Variants in UGGT2 observed in about 807,000 individuals in gnomAD.
UGGT2 encodes the protein UDP-glucose:glycoprotein glucosyltransferase 2.
Under a neutral mutation model 192.1 loss-of-function variants are expected in UGGT2, and 180 were observed. The observed-to-expected ratio is 0.94, with a 90% CI of 0.83 to 1.06. The LOEUF (loss-of-function observed/expected upper bound fraction) is 1.06. Among genes scored for constraint, UGGT2 ranks in the 50% least tolerant of loss-of-function variants. The probability of loss-of-function intolerance (pLI) is 0.00; values close to 1 mark genes in which losing one functional copy is unlikely to be tolerated. For synonymous variants in UGGT2, 580 were observed against 591.0 expected (o/e 0.98, Z 0.27); for missense variants, 1,849 against 1,795.7 (o/e 1.03, Z -0.54).
rs771289591 is a variant in UGGT2, at chr13:96,013,300, C to T, written c.660+7G>A. ...CAAAAGCAACCTTGGAAAAAACAAG[C>T]GCATACCTGAATATAATGGCGAAGA... On this transcript the variant is annotated splice_region_variant and intron_variant, in intron 5 of 38. Coordinates refer to ENST00000376747, the MANE Select transcript of UGGT2 (RefSeq NM_020121.4). 24 of 1,564,742 alleles carry T rather than the reference C, an allele frequency of 1.5e-5. No homozygotes were observed. The highest frequency in any genetic ancestry group is 1.4e-4 in the East Asian group (6 of 41,446).
chr13:95,820,695 A>G (rs1344994521), intron 38 of UGGT2, among the ~76,000 whole-genome samples: 1 of 151,310 alleles, frequency 6.6e-6, no homozygotes. Context: ...ATTTTAGTGT[A>G]CCCGTCACCT....
intron 20 of UGGT2, among the ~76,000 whole-genome samples, chr13:95,914,777 TG>T (rs142225719): frequency 0.017 from 2,509 of 151,756 alleles, 70 homozygotes; most frequent in African/African-American, 0.058. Flanking sequence ...CACTCCAGCC[TG>T]GGCGACTGAG....
chr13:95,898,985 A>G (rs1169310612), intron 22 of UGGT2, among the ~76,000 whole-genome samples: 2 of 152,248 alleles, frequency 1.3e-5, no homozygotes, highest in Non-Finnish European at 2.9e-5. Flanking sequence ...CTTAGTGGCC[A>G]GTGCGATAGC....
intron 17 of UGGT2, among the ~76,000 whole-genome samples, chr13:95,934,200 A>G (rs913295842): frequency 6.6e-6 from 1 of 152,172 alleles, no homozygotes; most frequent in African/African-American, 2.4e-5. Context: ...TCTGATTTCT[A>G]TTTTTATTCT....
intron 38 of UGGT2, among the ~76,000 whole-genome samples, chr13:95,807,446 T>C (rs1185708591): frequency 1.3e-5 from 2 of 152,194 alleles, no homozygotes; most frequent in African/African-American, 4.8e-5. Flanking sequence ...ATCCTTCTTC[T>C]GCTGTTTGCT....
chr13:95,902,363 T>C (rs566021120), intron 21 of UGGT2, among the ~76,000 whole-genome samples: 31 of 152,284 alleles, frequency 2.0e-4, no homozygotes, highest in South Asian at 8.3e-4. Flanking sequence ...CACTTATAAA[T>C]ATTTTGTCTG....
chr13:96,037,627 G>A (rs1481736513), intron 1 of UGGT2, among the ~76,000 whole-genome samples: 4 of 152,176 alleles, frequency 2.6e-5, no homozygotes, highest in East Asian at 1.9e-4. Context: ...CTGTGTGTGT[G>A]TGTATGCATT....
chr13:95,841,181 C>A (rs1378863142), intron 36 of UGGT2, among the ~76,000 whole-genome samples: 1 of 152,062 alleles, frequency 6.6e-6, no homozygotes, highest in African/African-American at 2.4e-5. Context: ...CAAACCTGCA[C>A]GTTCACCACG....
intron 12 of UGGT2, among the ~76,000 whole-genome samples, chr13:95,955,130 T>A (rs370979196): frequency 2.0e-5 from 3 of 152,228 alleles, no homozygotes; most frequent in East Asian, 3.8e-4. Flanking sequence ...ACTGCTATCA[T>A]AATAACCATG....
chr13:96,023,722 T>C lies in UGGT2; in HGVS notation c.279A>G (p.Lys93=). The C allele has an allele frequency of 6.2e-7, 1 of 1,608,752 alleles. No individual in the cohort carries two copies. Among genetic ancestry groups the C allele is most frequent in the Non-Finnish European group, 8.5e-7 (1 of 1,176,400 alleles). ...DYSYYNLILK[K]AGQFLDNLHI... The stretch of plus-strand genomic sequence containing the variant: ...GTAAATTGTCTAGAAACTGTCCAGC[T>C]TTCTTCAGGATTAAGTTGTAATAAG... The change falls in exon 3 of 39, where the codon AAA becomes AAG. Residue 93 remains lysine, a synonymous_variant. Coordinates refer to ENST00000376747, the MANE Select transcript of UGGT2 (RefSeq NM_020121.4).
At chr13:95,909,785 A>T (rs1162960404) in intron 20 of UGGT2, among the ~76,000 whole-genome samples, 1 of 88,996 alleles carries the variant, frequency 1.1e-5, no homozygotes, top group Non-Finnish European at 2.5e-5. Flanking sequence ...ATAATAAAAA[A>T]GATTCCTGCC....
At chr13:95,836,875 A>C (rs1351734614) in intron 37 of UGGT2, among the ~76,000 whole-genome samples, 1 of 152,214 alleles carries the variant, frequency 6.6e-6, no homozygotes, top group African/African-American at 2.4e-5. Flanking sequence ...GCATCTCATG[A>C]ATCTCCTTAG....
intron 2 of UGGT2, among the ~76,000 whole-genome samples, chr13:96,025,357 G>C (rs1235284105): frequency 6.6e-6 from 1 of 152,162 alleles, no homozygotes; most frequent in Non-Finnish European, 1.5e-5. Context: ...CAGTCAATCA[G>C]GCAATGAGTC....
chr13:95,845,153 G>C (rs918041811), intron 36 of UGGT2, among the ~76,000 whole-genome samples: 1 of 149,562 alleles, frequency 6.7e-6, no homozygotes, highest in Non-Finnish European at 1.5e-5. Context: ...ATGTGGTCAC[G>C]ATTCATGATA....
At chr13:96,014,723 C>T (rs2052273857) in intron 4 of UGGT2, among the ~76,000 whole-genome samples, 2 of 152,046 alleles carry the variant, frequency 1.3e-5, no homozygotes, top group Non-Finnish European at 2.9e-5. Flanking sequence ...TTAATAAATG[C>T]TAAAAGGATA....
chr13:95,884,878 T>A (rs1172891102), intron 26 of UGGT2, among the ~76,000 whole-genome samples, 198 bp from the exon 27 acceptor site: 2 of 152,212 alleles, frequency 1.3e-5, no homozygotes, highest in African/African-American at 4.8e-5. Context: ...TCTAAGTCTA[T>A]GTATATTATC....
chr13:95,977,939 G>C (rs1364683993), intron 10 of UGGT2, among the ~76,000 whole-genome samples: 1 of 152,048 alleles, frequency 6.6e-6, no homozygotes, highest in Non-Finnish European at 1.5e-5. Flanking sequence ...AACTAACATA[G>C]GAACAGAAAG....
intron 20 of UGGT2, among the ~76,000 whole-genome samples, chr13:95,914,969 T>C (rs761828636): frequency 1.3e-5 from 2 of 152,202 alleles, no homozygotes; most frequent in Non-Finnish European, 2.9e-5. Flanking sequence ...TGCAAAATAT[T>C]GATCTACAAA....
chr13:96,030,067 A>C (rs1309098413), intron 2 of UGGT2, among the ~76,000 whole-genome samples: 1 of 152,174 alleles, frequency 6.6e-6, no homozygotes, highest in East Asian at 1.9e-4. Flanking sequence ...GTAATTTCCT[A>C]ATGATTTGAA....
Sources: gnomAD v4.1 joint callset for allele counts (sites outside exome capture counted in the v4.1 genomes callset) on GRCh38, gnomAD v4.1.1 for gene constraint, MANE v1.5 for transcripts, NCBI Gene and HGNC (gene_info 2026-07-23, HGNC 2026-07-21) for gene names.